TRPM8: variants seen among roughly 807,000 people sequenced by gnomAD.
TRPM8 encodes transient receptor potential cation channel subfamily M member 8.
TRPM8 carries 110 observed loss-of-function variants against 133.7 expected under a neutral mutation model. The ratio of observed to expected loss-of-function variants is 0.82; its 90% CI spans 0.70 to 0.96. The LOEUF (loss-of-function observed/expected upper bound fraction) is 0.96. Ranked by LOEUF, TRPM8 falls within the 40% of genes least tolerant of loss-of-function variation. The pLI is 0.00. For synonymous variants in TRPM8, 535 were observed against 532.3 expected (o/e 1.01, Z -0.07); for missense variants, 1,291 against 1,379.5 (o/e 0.94, Z 1.02).
chr2:233,978,067 C>T (rs1400730571), intron 17 of TRPM8, among the ~76,000 whole-genome samples: 1 of 147,968 alleles, frequency 6.8e-6, no homozygotes, highest in East Asian at 2.0e-4. Flanking sequence ...CTGTGTTCAT[C>T]ACCTTACAAT....
intron 22 of TRPM8, among the ~76,000 whole-genome samples, chr2:234,000,172 A>G (rs1243295957): frequency 6.6e-6 from 1 of 151,294 alleles, no homozygotes; most frequent in Non-Finnish European, 1.5e-5. Context: ...GTGCAGTGGC[A>G]TGATCTCGGC....
At chr2:233,943,072 T>A in intron 6 of TRPM8, 1 of 340,514 alleles carries the variant, frequency 2.9e-6, no homozygotes, top group South Asian at 5.6e-5. Context: ...AGTATCTTTT[T>A]TTTTTTTTTT....
chr2:233,993,528 C>T (rs1163162107), intron 21 of TRPM8, among the ~76,000 whole-genome samples: 6 of 152,160 alleles, frequency 3.9e-5, no homozygotes, highest in African/African-American at 1.2e-4. Flanking sequence ...CCTGCACCTC[C>T]CTGCTTTGTA....
At chr2:233,973,543 T>C (rs1168033298) in intron 17 of TRPM8, among the ~76,000 whole-genome samples, 1 of 152,228 alleles carries the variant, frequency 6.6e-6, no homozygotes, top group Non-Finnish European at 1.5e-5. Context: ...GTCACCCTAC[T>C]TCAGCATGAC....
intron 6 of TRPM8, chr2:233,943,065 ATC>A: frequency 1.6e-4 from 40 of 243,024 alleles, no homozygotes; most frequent in East Asian, 4.4e-4. Flanking sequence ...CAACTGCAGT[ATC>A]TTTTTTTTTT....
intron 1 of TRPM8, among the ~76,000 whole-genome samples, chr2:233,920,626 A>G (rs1691388128): frequency 6.6e-6 from 1 of 152,164 alleles, no homozygotes; most frequent in Non-Finnish European, 1.5e-5. Context: ...GTGCAGGGAT[A>G]TTTACCACTA....
At chr2:233,926,444 TG>T in intron 1 of TRPM8, 88 bp from the exon 2 acceptor site, 4 of 948,388 alleles carry the variant, frequency 4.2e-6, no homozygotes. Flanking sequence ...GGGGAGAGGG[TG>T]GAGGGAAAAC....
intron 11 of TRPM8, among the ~76,000 whole-genome samples, chr2:233,956,986 T>A (rs1055231386): frequency 2.0e-5 from 3 of 152,158 alleles, no homozygotes; most frequent in Non-Finnish European, 1.5e-5. Context: ...CAGCTAAAGA[T>A]GGTTAAGGGT....
chr2:233,957,632 T>A (rs138257568), intron 11 of TRPM8, among the ~76,000 whole-genome samples: 5,120 of 152,328 alleles, frequency 0.034, 142 homozygotes, highest in Admixed American at 0.078. Flanking sequence ...TATCATTTTT[T>A]AATTATTTGT....
intron 17 of TRPM8, among the ~76,000 whole-genome samples, chr2:233,974,927 G>T (rs994027471): frequency 1.1e-4 from 17 of 152,054 alleles, no homozygotes; most frequent in African/African-American, 4.1e-4. Context: ...GTGGAGGTGG[G>T]GAGGGAGAAA....
Position 233,996,514 on chromosome 2 carries a change from G to T in TRPM8, c.3128G>T (p.Cys1043Phe), listed in dbSNP as rs201096876. The change falls in exon 22 of 26, where the codon TGC (cysteine) becomes TTC (phenylalanine). Residue 1043 changes from cysteine to phenylalanine, a missense_variant and splice_region_variant. By Grantham distance (205) the Cys-to-Phe change is radical. Coordinates refer to ENST00000324695, the MANE Select transcript of TRPM8 (RefSeq NM_024080.5). ...GAGAAAAACATGGAGTCTTCTGTCT[G>T]CTGTGAGTGGTTTATCCATGTGTAC... is the stretch of plus-strand genomic sequence containing the variant. ...CKEKNMESSV[C>F]CFKNEDNETL... The T allele has an allele frequency of 3.7e-6, 6 of 1,613,980 alleles. No homozygotes were observed. Among genetic ancestry groups the T allele is most frequent in the Non-Finnish European group, 5.1e-6 (6 of 1,179,960 alleles).
At chr2:234,012,716 C>T (rs1262013928) in intron 24 of TRPM8, among the ~76,000 whole-genome samples, 1 of 152,022 alleles carries the variant, frequency 6.6e-6, no homozygotes, top group East Asian at 1.9e-4. Context: ...CAATTTTACC[C>T]CATTAAATAT....
At chr2:234,004,821 G>A (rs1279508168) in intron 22 of TRPM8, among the ~76,000 whole-genome samples, 1 of 152,158 alleles carries the variant, frequency 6.6e-6, no homozygotes, top group Admixed American at 6.5e-5. Context: ...TTTTGTGTGG[G>A]TGTATAGTAA....
At chr2:234,016,506 A>T (rs1375523696) in intron 25 of TRPM8, among the ~76,000 whole-genome samples, 1 of 152,080 alleles carries the variant, frequency 6.6e-6, no homozygotes, top group Non-Finnish European at 1.5e-5. Context: ...TCCCTGGGGT[A>T]GTGGCCAGGG....
chr2:233,983,093 G>A lies in TRPM8; in HGVS notation c.2630G>A (p.Trp877Ter). The A allele has an allele frequency of 6.2e-7, 1 of 1,614,158 alleles. No individual in the cohort carries two copies. The highest frequency in any genetic ancestry group is 8.5e-7 in the Non-Finnish European group (1 of 1,180,020). The change falls in exon 20 of 26, where the codon TGG becomes TAG. Residue 877 changes from tryptophan to a stop codon, truncating the protein, a stop_gained. Coordinates refer to ENST00000324695, the MANE Select transcript of TRPM8 (RefSeq NM_024080.5). LOFTEE classifies it high-confidence loss of function. ...VFFFLFLFAV[W>*]MVAFGVARQG... Reference sequence around the variant, plus strand: ...TTCTTCCTGTTCCTCTTTGCGGTGTGGATGGTGGCCTTTGGCGTGGCCAGG... The same window carrying A: ...TTCTTCCTGTTCCTCTTTGCGGTGTAGATGGTGGCCTTTGGCGTGGCCAGG...
chr2:233,982,951 A>C, intron 19 of TRPM8, 102 bp from the exon 20 acceptor site: 167 of 1,306,256 alleles, frequency 1.3e-4, no homozygotes, highest in Non-Finnish European at 1.6e-4. Context: ...TGAGCCCTGG[A>C]ACCGCTGCTC....
chr2:233,999,121 C>T (rs1050164562), intron 22 of TRPM8, among the ~76,000 whole-genome samples: 1 of 152,092 alleles, frequency 6.6e-6, no homozygotes. Flanking sequence ...CATTTATTTG[C>T]CCATGATTCT....
In TRPM8 at chr2:233,985,837, C is replaced by A. The variant is rs751406672; in HGVS notation, c.2911C>A (p.Leu971Met). The A allele has an allele frequency of 1.2e-6, 2 of 1,614,102 alleles. No individual in the cohort carries two copies. Among genetic ancestry groups the A allele is most frequent in the Non-Finnish European group, 1.7e-6 (2 of 1,179,988 alleles). Residue 971 changes from leucine (L) to methionine (M), a missense_variant, in exon 21 of 26, where the codon CTG becomes ATG. By Grantham distance (15) the Leu-to-Met change is conservative. This residue lies in a region of TRPM8 where 328 missense variants were observed against 410.6 expected (regional missense o/e 0.80). Transcript: ENST00000324695. The part of the protein sequence containing the change: ...CIYMLSTNIL[L>M]VNLLVAMFGY... The stretch of plus-strand genomic sequence containing the variant: ...CTACATGTTATCCACCAACATCCTG[C>A]TGGTCAACCTGCTGGTCGCCATGTT...
intron 1 of TRPM8, among the ~76,000 whole-genome samples, chr2:233,920,624 A>G (rs1691388035): frequency 6.6e-6 from 1 of 152,164 alleles, no homozygotes; most frequent in African/African-American, 2.4e-5. Flanking sequence ...CTGTGCAGGG[A>G]TATTTACCAC....
Sources: allele counts gnomAD v4.1 joint callset (sites outside exome capture counted in the v4.1 genomes callset), GRCh38; gene constraint gnomAD v4.1.1; regional missense constraint gnomAD v4.1.1; transcripts MANE v1.5; gene names NCBI Gene and HGNC (gene_info 2026-07-23, HGNC 2026-07-21).